GSR: variants seen among roughly 807,000 people sequenced by gnomAD.
The protein encoded by GSR is glutathione reductase, mitochondrial.
Under a neutral mutation model 56.5 loss-of-function variants are expected in GSR, and 48 were observed. The observed-to-expected ratio is 0.85, with a 90% CI of 0.67 to 1.08. The LOEUF is 1.08. Ranked by LOEUF, GSR falls within the 50% of genes least tolerant of loss-of-function variation. The probability of loss-of-function intolerance (pLI) is 0.00; values close to 1 mark genes in which losing one functional copy is unlikely to be tolerated. For missense variants in GSR, 694 were observed against 703.3 expected, an observed-to-expected ratio of 0.99 and a Z score of 0.15; for synonymous variants, 264 against 270.8, an observed-to-expected ratio of 0.97 and a Z score of 0.25.
At chr8:30,712,390 C>T (rs1304415536) in intron 1 of GSR, among the ~76,000 whole-genome samples, 1 of 152,116 alleles carries the variant, frequency 6.6e-6, no homozygotes, top group Non-Finnish European at 1.5e-5. Context: ...TGGATAAACA[C>T]CCAAGATGGG....
chr8:30,719,597 G>A (rs746605356), intron 1 of GSR, among the ~76,000 whole-genome samples: 66 of 152,068 alleles, frequency 4.3e-4, no homozygotes, highest in Non-Finnish European at 6.0e-4. Flanking sequence ...TCATCAAGGA[G>A]ACTCCTGTAA....
chr8:30,693,107 A>G, intron 7 of GSR, 52 bp from the exon 8 acceptor site: 1 of 1,101,818 alleles, frequency 9.1e-7, no homozygotes. Context: ...ACTTGAGCAA[A>G]GACACACCAC....
rs192110074 is a variant in GSR at position 30,694,657 on chromosome 8, G to A, written c.796-1602C>T. On this transcript the variant is annotated intron_variant, in intron 7 of 12. Transcript: ENST00000221130. Reference sequence around the variant, plus strand: ...AATATATAAAAAGTAGTCAGGTGGCGCATGCCTGTAATCCCAAGCACTTTG... The same window carrying A: ...AATATATAAAAAGTAGTCAGGTGGCACATGCCTGTAATCCCAAGCACTTTG... Among the ~76,000 whole-genome samples the A allele has an allele frequency of 1.2e-4, 18 of 151,536 alleles. No homozygotes were observed. In the East Asian group the frequency reaches 1.9e-3, roughly 16 times the overall value.
chr8:30,702,578 G>A (rs1803780104), intron 5 of GSR, among the ~76,000 whole-genome samples: 1 of 152,166 alleles, frequency 6.6e-6, no homozygotes, highest in Non-Finnish European at 1.5e-5. Flanking sequence ...GCTAAGCTAA[G>A]AAGGAAAGAA....
chr8:30,697,997 A>C (rs1285072826), intron 6 of GSR, among the ~76,000 whole-genome samples: 1 of 152,092 alleles, frequency 6.6e-6, no homozygotes, highest in East Asian at 1.9e-4. Context: ...TGGCTTCTGG[A>C]ACTGATCTTT....
intron 6 of GSR, 127 bp downstream of exon 6, chr8:30,699,954 G>A (rs1803671941): frequency 1.3e-6 from 1 of 779,842 alleles, no homozygotes; most frequent in Non-Finnish European, 2.4e-6. Flanking sequence ...GTCATGAAAA[G>A]AGAAGCTGTA....
At chr8:30,712,346 A>G (rs1451141331) in intron 1 of GSR, among the ~76,000 whole-genome samples, 1 of 152,166 alleles carries the variant, frequency 6.6e-6, no homozygotes, top group African/African-American at 2.4e-5. Context: ...GCTGCTGTCT[A>G]AGAGGACTTC....
At chr8:30,716,717 G>GA (rs1435759335) in intron 1 of GSR, among the ~76,000 whole-genome samples, 2 of 152,112 alleles carry the variant, frequency 1.3e-5, no homozygotes, top group African/African-American at 4.8e-5. Context: ...TGAGGCAGGA[G>GA]AATCACTTGA....
At chr8:30,684,057 C>G (rs939947324) in intron 10 of GSR, 31 bp downstream of exon 10, 1 of 1,105,822 alleles carries the variant, frequency 9.0e-7, no homozygotes, top group Non-Finnish European at 1.4e-6. Flanking sequence ...ACACGCAGAC[C>G]CTCCCTCACC....
chr8:30,703,238 G>A lies in GSR; in HGVS notation c.495C>T (p.Ser165=). ...CATGGCCACGGATGATTTCTATATG[G>A]GACTAAAGAAGGAACCATGACATTA... ...NAIYQNNLTK[S]HIEIIRGHAA... Residue 165 remains serine, a splice_region_variant and synonymous_variant, in exon 5 of 13, where the codon TCC becomes TCT. Coordinates refer to ENST00000221130, the MANE Select transcript of GSR (RefSeq NM_000637.5). The A allele has an allele frequency of 6.2e-7, 1 of 1,613,532 alleles. No homozygotes were observed. Among genetic ancestry groups the A allele is most frequent in the Non-Finnish European group, 8.5e-7 (1 of 1,179,562 alleles).
intron 6 of GSR, among the ~76,000 whole-genome samples, chr8:30,699,029 T>A (rs778661585): frequency 6.6e-6 from 1 of 152,184 alleles, no homozygotes; most frequent in Admixed American, 6.5e-5. Context: ...CCCATGCTTG[T>A]ATTCCTACTG....
intron 6 of GSR, among the ~76,000 whole-genome samples, chr8:30,699,074 C>T (rs1340667316): frequency 6.6e-6 from 1 of 152,060 alleles, no homozygotes; most frequent in Non-Finnish European, 1.5e-5. Context: ...TTGCTTGAGG[C>T]CAGGAATTCT....
intron 8 of GSR, among the ~76,000 whole-genome samples, chr8:30,691,265 G>A (rs1025073625): frequency 6.6e-6 from 1 of 152,174 alleles, no homozygotes; most frequent in Non-Finnish European, 1.5e-5. Flanking sequence ...TGAGGCAGGA[G>A]AATCACTTGA....
Position 30,716,684 on chromosome 8 carries a change from G to A in GSR, c.307-4596C>T, listed in dbSNP as rs1259224356. ...TTAGCCAGGTGTGATAGTGAAGCCT[G>A]TAGTCCCAGCTACTGGGGAGGCTGA... On this transcript the variant is annotated intron_variant, in intron 1 of 12. Transcript: ENST00000221130. Among the ~76,000 whole-genome samples the A allele has an allele frequency of 3.3e-5, 5 of 152,174 alleles. No individual in the cohort carries two copies. In the East Asian group the frequency reaches 9.6e-4, roughly 29 times the overall value.
At chr8:30,686,656 C>T (rs763504727) in intron 9 of GSR, among the ~76,000 whole-genome samples, 1 of 152,082 alleles carries the variant, frequency 6.6e-6, no homozygotes, top group Non-Finnish European at 1.5e-5. Flanking sequence ...GATGGCACCA[C>T]TGTACTCCAG....
At chr8:30,724,174 C>T (rs942188798) in intron 1 of GSR, among the ~76,000 whole-genome samples, 2 of 152,070 alleles carry the variant, frequency 1.3e-5, no homozygotes, top group Non-Finnish European at 2.9e-5. Flanking sequence ...GAGTTCAATA[C>T]CAGCCTAGGC....
chr8:30,715,427 C>G (rs796090991), intron 1 of GSR, among the ~76,000 whole-genome samples: 29 of 152,164 alleles, frequency 1.9e-4, no homozygotes, highest in Non-Finnish European at 1.2e-4. Flanking sequence ...TAAGCCATTT[C>G]TAAGAAAGGA....
chr8:30,689,982 GTATA>G (rs377006110), intron 8 of GSR, among the ~76,000 whole-genome samples: 2 of 124,646 alleles, frequency 1.6e-5, no homozygotes, highest in African/African-American at 5.6e-5. Context: ...ATATATAAAT[GTATA>G]TATATGTATA....
At chr8:30,690,044 TATATAA>T (rs1252685081) in intron 8 of GSR, among the ~76,000 whole-genome samples, 2 of 142,658 alleles carry the variant, frequency 1.4e-5, no homozygotes, top group African/African-American at 2.6e-5. Flanking sequence ...ATGTATATTA[TATATAA>T]ATATACATAT....
Sources: allele counts gnomAD v4.1 joint callset (sites outside exome capture counted in the v4.1 genomes callset), GRCh38; gene constraint gnomAD v4.1.1; transcripts MANE v1.5; gene names NCBI Gene and HGNC (gene_info 2026-07-23, HGNC 2026-07-21).